The following ZNF438 variants were observed in gnomAD, a reference collection of about 807,000 sequenced individuals.
ZNF438 encodes the protein zinc finger protein 438.
In ZNF438, 25 loss-of-function variants were observed where a neutral mutation model predicts 38.0. That is an observed-to-expected ratio of 0.66 (90% CI 0.48 to 0.92). ZNF438 has a LOEUF of 0.92. Among genes scored for constraint, ZNF438 ranks in the 40% least tolerant of loss-of-function variants. ZNF438 has a pLI of 0.00. For synonymous variants in ZNF438, 372 were observed against 364.1 expected (o/e 1.02, Z -0.25); for missense variants, 1,007 against 999.6 (o/e 1.01, Z -0.10).
chr10:30,928,591 C>T (rs1306016822), intron 2 of ZNF438, among the ~76,000 whole-genome samples: 1 of 150,776 alleles, frequency 6.6e-6, no homozygotes, highest in Non-Finnish European at 1.5e-5. Flanking sequence ...ATTCTGCAAA[C>T]CCTGCTATCA....
intron 1 of ZNF438, among the ~76,000 whole-genome samples, chr10:30,976,097 A>G (rs1380552935): frequency 1.3e-5 from 2 of 152,130 alleles, no homozygotes; most frequent in Non-Finnish European, 2.9e-5. Context: ...AAAGCCTTAG[A>G]TGCACAATAA....
chr10:30,949,720 A>G (rs1381512574), intron 1 of ZNF438, among the ~76,000 whole-genome samples: 1 of 152,032 alleles, frequency 6.6e-6, no homozygotes, highest in Non-Finnish European at 1.5e-5. Context: ...ATATGCACCC[A>G]ATACAGGAGC....
intron 1 of ZNF438, among the ~76,000 whole-genome samples, chr10:30,944,647 A>G (rs1362382803): frequency 6.6e-6 from 1 of 152,198 alleles, no homozygotes; most frequent in Non-Finnish European, 1.5e-5. Flanking sequence ...GATACCTCTA[A>G]CAGATATAGC....
intron 1 of ZNF438, among the ~76,000 whole-genome samples, chr10:31,003,095 G>A (rs2054813205): frequency 6.6e-6 from 1 of 152,104 alleles, no homozygotes; most frequent in Non-Finnish European, 1.5e-5. Flanking sequence ...GGAAATGTGG[G>A]GAGGCATTTT....
chr10:30,982,101 T>TC (rs2052247762), intron 1 of ZNF438, among the ~76,000 whole-genome samples: 4 of 148,380 alleles, frequency 2.7e-5, no homozygotes, highest in Admixed American at 6.7e-5. Context: ...TTCTCTTTCT[T>TC]TTTTTTTTTT....
Sources: gnomAD v4.1 joint callset for allele counts (sites outside exome capture counted in the v4.1 genomes callset) on GRCh38, gnomAD v4.1.1 for gene constraint, MANE v1.5 for transcripts, NCBI Gene and HGNC (gene_info 2026-07-23, HGNC 2026-07-21) for gene names.